The following PDE10A variants were observed in gnomAD, a reference collection of about 807,000 sequenced individuals.
The protein encoded by PDE10A is cAMP and cAMP-inhibited cGMP 3',5'-cyclic phosphodiesterase 10A.
In PDE10A, 39 loss-of-function variants were observed where a neutral mutation model predicts 97.7. The observed-to-expected ratio is 0.40, with a 90% CI of 0.31 to 0.52. The LOEUF is 0.52. PDE10A is among the 20% of genes least tolerant of loss of function. The pLI, the probability that PDE10A is intolerant of heterozygous loss-of-function variation, is 0.56. For synonymous variants in PDE10A, 371 were observed against 376.8 expected (o/e 0.98, Z 0.18); for missense variants, 731 against 1,047.8 (o/e 0.70, Z 4.17).
intron 18 of PDE10A, among the ~76,000 whole-genome samples, chr6:165,377,210 G>A (rs73243936): frequency 0.021 from 3,138 of 152,104 alleles, 107 homozygotes; most frequent in African/African-American, 0.072. Context: ...GCTTTATTAT[G>A]AAATTTCTTT....
intron 1 of PDE10A, among the ~76,000 whole-genome samples, chr6:165,884,942 G>A (rs542976546): frequency 6.6e-6 from 1 of 152,198 alleles, no homozygotes; most frequent in Non-Finnish European, 1.5e-5. Flanking sequence ...GGCGGTGCGC[G>A]TAATTGCAAG....
chr6:165,402,967 G>A (rs929257563), intron 13 of PDE10A, among the ~76,000 whole-genome samples: 2 of 152,128 alleles, frequency 1.3e-5, no homozygotes, highest in African/African-American at 4.8e-5. Context: ...GCAACTCTTA[G>A]AAATCTAAAC....
rs1228591127 is a variant in PDE10A at position 165,662,061 on chromosome 6, C to A, written c.751G>T (p.Ala251Ser). 1 of 1,420,606 alleles carries A rather than the reference C, an allele frequency of 7.0e-7. No homozygotes were observed. Among genetic ancestry groups the A allele is most frequent in the South Asian group, 1.4e-5 (1 of 71,122 alleles). The allele number at this position is 1,420,606 out of a possible 1,614,324, so 88.0% of individuals were successfully genotyped here. ...GGQTPRRPQG[A>S]SFALAAAAAL... ...GCCGCGGCGGCGAGGGCGAAGCTGG[C>A]GCCCTGGGGACGCCGCGGAGTTTGG... Residue 251 changes from alanine to serine, a missense_variant, in exon 1 of 22, where the codon GCC becomes TCC. This residue lies in a region of PDE10A where 181 missense variants were observed against 159.1 expected (regional missense o/e 1.14). Coordinates refer to ENST00000539869, the MANE Select transcript of PDE10A (RefSeq NM_001385079.1).
chr6:165,375,613 A>C (rs2128205192), intron 18 of PDE10A, among the ~76,000 whole-genome samples: 1 of 152,232 alleles, frequency 6.6e-6, no homozygotes, highest in East Asian at 1.9e-4. Flanking sequence ...TCAACTAAAT[A>C]ACAGATTTTC....
chr6:165,884,966 G>C (rs913358823), intron 1 of PDE10A, among the ~76,000 whole-genome samples: 1 of 152,192 alleles, frequency 6.6e-6, no homozygotes, highest in Non-Finnish European at 1.5e-5. Flanking sequence ...GTGTCGTCCT[G>C]TGTGGGTTTA....
intron 1 of PDE10A, among the ~76,000 whole-genome samples, chr6:165,928,836 C>T (rs1783031022): frequency 6.6e-6 from 1 of 152,180 alleles, no homozygotes; most frequent in Non-Finnish European, 1.5e-5. Flanking sequence ...AGCCCCGACT[C>T]CACTGTGTGT....
chr6:165,564,832 T>C (rs1784696514), intron 1 of PDE10A, among the ~76,000 whole-genome samples: 1 of 152,208 alleles, frequency 6.6e-6, no homozygotes, highest in Non-Finnish European at 1.5e-5. Flanking sequence ...AGTGAGAAGT[T>C]AACTAACTAT....
At chr6:165,847,998 CA>C in intron 1 of PDE10A, among the ~76,000 whole-genome samples, 1 of 152,056 alleles carries the variant, frequency 6.6e-6, no homozygotes, top group South Asian at 2.1e-4. Flanking sequence ...TGCCAGTTAG[CA>C]AAAAATTCTG....
chr6:165,348,665 T>C (rs916075207), intron 18 of PDE10A, among the ~76,000 whole-genome samples: 2 of 152,206 alleles, frequency 1.3e-5, no homozygotes, highest in Non-Finnish European at 2.9e-5. Flanking sequence ...TAAGCTAGAA[T>C]TAAACTGTCT....
At chr6:165,793,526 C>T (rs552828281) in intron 1 of PDE10A, among the ~76,000 whole-genome samples, 2 of 152,258 alleles carry the variant, frequency 1.3e-5, no homozygotes, top group Admixed American at 6.5e-5. Flanking sequence ...AGTGCGCTCC[C>T]TGAAATCTTC....
intron 2 of PDE10A, among the ~76,000 whole-genome samples, chr6:165,528,734 C>T (rs936673978): frequency 6.6e-6 from 1 of 152,150 alleles, no homozygotes; most frequent in Admixed American, 6.6e-5. Flanking sequence ...CAGCAGTGGG[C>T]TGATGTTCAT....
At chr6:165,460,910 A>T (rs1446063174) in intron 3 of PDE10A, among the ~76,000 whole-genome samples, 1 of 152,206 alleles carries the variant, frequency 6.6e-6, no homozygotes, top group African/African-American at 2.4e-5. Context: ...GGAAAAACAA[A>T]GTTCCTGCCA....
chr6:165,912,193 A>G (rs530109984), intron 1 of PDE10A, among the ~76,000 whole-genome samples: 4 of 151,714 alleles, frequency 2.6e-5, no homozygotes, highest in African/African-American at 7.3e-5. Flanking sequence ...TCTATCATCT[A>G]TCATCTATCC....
chr6:165,347,009 T>G (rs113163751), intron 18 of PDE10A, among the ~76,000 whole-genome samples: 1,587 of 152,274 alleles, frequency 0.01, 25 homozygotes, highest in Non-Finnish European at 0.015. Context: ...CTCATTTTAA[T>G]TATTTTACTT....
chr6:165,706,682 G>T (rs1300377533), intron 1 of PDE10A, among the ~76,000 whole-genome samples: 2 of 152,168 alleles, frequency 1.3e-5, no homozygotes, highest in Non-Finnish European at 2.9e-5. Context: ...AAGGAAACTT[G>T]GAGAGTAATT....
chr6:165,697,930 C>T (rs778056852), intron 1 of PDE10A, among the ~76,000 whole-genome samples: 1 of 152,076 alleles, frequency 6.6e-6, no homozygotes, highest in Non-Finnish European at 1.5e-5. Flanking sequence ...GAAAGAGCAT[C>T]CCTGGTTTAT....
chr6:165,970,616 T>A (rs748932487), intron 1 of PDE10A, among the ~76,000 whole-genome samples: 17 of 152,114 alleles, frequency 1.1e-4, no homozygotes, highest in African/African-American at 4.1e-4. Flanking sequence ...AAGGTAAACA[T>A]AGCTAAAAAT....
chr6:165,425,781 G>T (rs1251496799), intron 10 of PDE10A, among the ~76,000 whole-genome samples: 1 of 151,472 alleles, frequency 6.6e-6, no homozygotes, highest in Non-Finnish European at 1.5e-5. Context: ...GTGTGTGTGT[G>T]TGTGTGTGTG....
chr6:165,662,103 CGGCGCCGGG>C lies in PDE10A; in HGVS notation c.700_708del (p.Pro234_Ala236del). On this transcript the variant is annotated inframe_deletion, in exon 1 of 22. Transcript: ENST00000539869. ...GGAGTTTGGCCGCCGCCGCCTGGGC[CGGCGCCGGG>C]GAAGCCGGGGGAGCCCGCGCGGCGG... 1.8e-6 allele frequency: 2 copies of C among 1,107,072 alleles called. No individual in the cohort carries two copies. The highest frequency in any genetic ancestry group is 2.2e-6 in the Non-Finnish European group (2 of 905,706). The allele number at this position is 1,107,072 out of a possible 1,614,324, so 68.6% of individuals were successfully genotyped here.
Sources: allele counts gnomAD v4.1 joint callset (sites outside exome capture counted in the v4.1 genomes callset), GRCh38; gene constraint gnomAD v4.1.1; regional missense constraint gnomAD v4.1.1; transcripts MANE v1.5; gene names NCBI Gene and HGNC (gene_info 2026-07-23, HGNC 2026-07-21).